KCNAB1: variants seen among roughly 807,000 people sequenced by gnomAD.
KCNAB1 encodes potassium voltage-gated channel subfamily A regulatory beta subunit 1.
In KCNAB1, 35 loss-of-function variants were observed where a neutral mutation model predicts 64.6. The ratio of observed to expected loss-of-function variants is 0.54; its 90% CI spans 0.41 to 0.72. The LOEUF is 0.72. Among genes scored for constraint, KCNAB1 ranks in the 30% least tolerant of loss-of-function variants. The pLI is 0.00. For missense variants in KCNAB1, 401 were observed against 512.9 expected, an observed-to-expected ratio of 0.78 and a Z score of 2.11; for synonymous variants, 177 against 183.8, an observed-to-expected ratio of 0.96 and a Z score of 0.30.
intron 1 of KCNAB1, among the ~76,000 whole-genome samples, chr3:156,412,661 G>C (rs918500671): frequency 1.3e-5 from 2 of 152,242 alleles, no homozygotes; most frequent in Non-Finnish European, 2.9e-5. Context: ...TACATAAAAA[G>C]AAAGTGGTAA....
At chr3:156,363,218 A>G (rs1167161951) in intron 1 of KCNAB1, among the ~76,000 whole-genome samples, 6 of 152,216 alleles carry the variant, frequency 3.9e-5, no homozygotes, top group Non-Finnish European at 7.3e-5. Context: ...AGCATATTCA[A>G]ATGCCATAGT....
chr3:156,280,372 G>A (rs1430960853), intron 1 of KCNAB1, among the ~76,000 whole-genome samples: 2,553 of 150,998 alleles, frequency 0.017, 76 homozygotes, highest in African/African-American at 0.059. Context: ...TTACTGTAGC[G>A]TTGTAGTATA....
chr3:156,439,224 ATTTTT>A (rs56259743), intron 2 of KCNAB1, among the ~76,000 whole-genome samples: 38,120 of 115,238 alleles, frequency 0.33, 5,711 homozygotes, highest in East Asian at 0.45. Context: ...CATCATTGTG[ATTTTT>A]TTTTTTTTTT....
chr3:156,413,560 T>C (rs1348164860), intron 1 of KCNAB1, among the ~76,000 whole-genome samples: 2 of 152,190 alleles, frequency 1.3e-5, no homozygotes, highest in East Asian at 3.8e-4. Context: ...ACAGAGAGGT[T>C]CCATACATTT....
chr3:156,323,868 G>T (rs1025061706), intron 1 of KCNAB1, among the ~76,000 whole-genome samples: 2 of 152,122 alleles, frequency 1.3e-5, no homozygotes, highest in Non-Finnish European at 2.9e-5. Flanking sequence ...ACCAAAAAGA[G>T]AATTATTATG....
At chr3:156,454,901 C>T (rs550705200) in intron 3 of KCNAB1, among the ~76,000 whole-genome samples, 23 of 152,226 alleles carry the variant, frequency 1.5e-4, no homozygotes, top group Non-Finnish European at 2.2e-4. Flanking sequence ...CAAGCTTGCC[C>T]GGGTCGTAGT....
chr3:156,292,252 T>C, intron 1 of KCNAB1: 1 of 1,128,606 alleles, frequency 8.9e-7, no homozygotes, highest in East Asian at 2.6e-5. Context: ...AATTCTCAGG[T>C]GGTTCTAAAA....
intron 1 of KCNAB1, among the ~76,000 whole-genome samples, chr3:156,255,988 C>T (rs1032462007): frequency 7.2e-5 from 11 of 152,248 alleles, no homozygotes; most frequent in Non-Finnish European, 1.2e-4. Flanking sequence ...GCCCAGAGTG[C>T]GGTAGGTGTT....
chr3:156,309,705 A>G (rs138722469), intron 1 of KCNAB1, among the ~76,000 whole-genome samples: 347 of 152,376 alleles, frequency 2.3e-3, no homozygotes, highest in Non-Finnish European at 3.6e-3. Context: ...TGTGATCAGC[A>G]TCAAAGAAAG....
intron 2 of KCNAB1, among the ~76,000 whole-genome samples, chr3:156,439,242 T>C (rs1716823910): frequency 6.7e-6 from 1 of 148,240 alleles, no homozygotes; most frequent in Non-Finnish European, 1.5e-5. Context: ...TTTTTTTTTT[T>C]TTTTTTGGTT....
intron 1 of KCNAB1, among the ~76,000 whole-genome samples, chr3:156,286,535 T>C (rs1353424251): frequency 6.6e-6 from 1 of 152,226 alleles, no homozygotes; most frequent in East Asian, 1.9e-4. Flanking sequence ...TGTTTGGTTC[T>C]GACTTTACTG....
At chr3:156,244,524 G>A (rs1338357331) in intron 1 of KCNAB1, among the ~76,000 whole-genome samples, 1 of 152,186 alleles carries the variant, frequency 6.6e-6, no homozygotes, top group Admixed American at 6.5e-5. Context: ...TGTTCTGACT[G>A]CCACAGTAGG....
chr3:156,166,466 C>T (rs573335532), intron 1 of KCNAB1, among the ~76,000 whole-genome samples: 1 of 152,004 alleles, frequency 6.6e-6, no homozygotes, highest in Non-Finnish European at 1.5e-5. Flanking sequence ...AATGCGCAAT[C>T]CCAAAACAAA....
chr3:156,150,188 G>C (rs984111306), intron 1 of KCNAB1, among the ~76,000 whole-genome samples: 2 of 152,206 alleles, frequency 1.3e-5, no homozygotes, highest in Non-Finnish European at 2.9e-5. Context: ...GGCTGCTGGT[G>C]AAGGGCTGTG....
chr3:156,286,248 G>A (rs991898906), intron 1 of KCNAB1, among the ~76,000 whole-genome samples: 6 of 152,252 alleles, frequency 3.9e-5, no homozygotes, highest in Non-Finnish European at 7.4e-5. Context: ...CAATTTCTCA[G>A]AATATAATAA....
At chr3:156,288,916 TC>T (rs1286642830) in intron 1 of KCNAB1, among the ~76,000 whole-genome samples, 1 of 152,194 alleles carries the variant, frequency 6.6e-6, no homozygotes, top group Non-Finnish European at 1.5e-5. Flanking sequence ...CATCTTCCCA[TC>T]CACCTACCTT....
chr3:156,225,070 G>C (rs1239176533), intron 1 of KCNAB1, among the ~76,000 whole-genome samples: 1 of 151,986 alleles, frequency 6.6e-6, no homozygotes, highest in African/African-American at 2.4e-5. Context: ...AATCATTCTA[G>C]GAAGCCAGAA....
chr3:156,344,598 C>T (rs1435342654), intron 1 of KCNAB1, among the ~76,000 whole-genome samples: 3 of 152,156 alleles, frequency 2.0e-5, no homozygotes, highest in African/African-American at 4.8e-5. Flanking sequence ...GGATATTAAC[C>T]GCTTTAATAT....
chr3:156,239,612 G>C (rs1335732898), intron 1 of KCNAB1, among the ~76,000 whole-genome samples: 1 of 152,158 alleles, frequency 6.6e-6, no homozygotes, highest in Non-Finnish European at 1.5e-5. Flanking sequence ...TGTCCAACCA[G>C]TAGCACCTGC....
Sources: gnomAD v4.1 joint callset for allele counts (sites outside exome capture counted in the v4.1 genomes callset) on GRCh38, gnomAD v4.1.1 for gene constraint, MANE v1.5 for transcripts, NCBI Gene and HGNC (gene_info 2026-07-23, HGNC 2026-07-21) for gene names.